The following CACNB2 variants were observed in gnomAD, a reference collection of about 807,000 sequenced individuals.
CACNB2 encodes calcium voltage-gated channel auxiliary subunit beta 2, also known as voltage-dependent L-type calcium channel subunit beta-2.
In CACNB2, 42 loss-of-function variants were observed where a neutral mutation model predicts 73.3. The ratio of observed to expected loss-of-function variants is 0.57; its 90% CI spans 0.45 to 0.74. The LOEUF is 0.74. Among genes scored for constraint, CACNB2 ranks in the 30% least tolerant of loss-of-function variants. The pLI is 0.00. For missense variants in CACNB2, 940 were observed against 853.0 expected, an observed-to-expected ratio of 1.10 and a Z score of -1.27; for synonymous variants, 348 against 310.3, an observed-to-expected ratio of 1.12 and a Z score of -1.28.
chr10:18,255,854 A>G (rs1025484970), intron 2 of CACNB2, among the ~76,000 whole-genome samples: 4 of 152,096 alleles, frequency 2.6e-5, no homozygotes, highest in Admixed American at 2.0e-4. Flanking sequence ...CTGACAAAAA[A>G]CCTTCAGTTC....
At chr10:18,403,851 T>G (rs529505140) in intron 3 of CACNB2, among the ~76,000 whole-genome samples, 2 of 149,828 alleles carry the variant, frequency 1.3e-5, no homozygotes, top group African/African-American at 4.9e-5. Context: ...ATGGGTGAGA[T>G]GGGAATGGTT....
At chr10:18,258,586 G>C (rs1242361530) in intron 2 of CACNB2, among the ~76,000 whole-genome samples, 1 of 151,974 alleles carries the variant, frequency 6.6e-6, no homozygotes, top group Non-Finnish European at 1.5e-5. Context: ...ATTTAGCCAG[G>C]CTGGTAGCGG....
intron 2 of CACNB2, among the ~76,000 whole-genome samples, chr10:18,398,082 G>C (rs533488220): frequency 1.3e-5 from 2 of 152,182 alleles, no homozygotes; most frequent in Non-Finnish European, 2.9e-5. Context: ...ACGACCGCCA[G>C]CTGTTCCTGA....
intron 2 of CACNB2, among the ~76,000 whole-genome samples, chr10:18,313,088 A>G (rs967706759): frequency 6.6e-6 from 1 of 152,160 alleles, no homozygotes; most frequent in African/African-American, 2.4e-5. Flanking sequence ...ATCATTTTTT[A>G]TAGTTGCATT....
At chr10:18,252,273 A>G (rs545042174) in intron 2 of CACNB2, among the ~76,000 whole-genome samples, 1 of 152,334 alleles carries the variant, frequency 6.6e-6, no homozygotes, top group East Asian at 1.9e-4. Flanking sequence ...GCTGTTCATA[A>G]GTTTACACAA....
chr10:18,278,988 G>C (rs1303038173), intron 2 of CACNB2, among the ~76,000 whole-genome samples: 1 of 152,106 alleles, frequency 6.6e-6, no homozygotes, highest in Non-Finnish European at 1.5e-5. Flanking sequence ...CTGCACTCCA[G>C]CTTGGACAAC....
intron 2 of CACNB2, among the ~76,000 whole-genome samples, chr10:18,233,325 C>T (rs995354818): frequency 7.9e-5 from 12 of 152,076 alleles, no homozygotes; most frequent in African/African-American, 2.9e-4. Flanking sequence ...TCTCCTCTCT[C>T]CAGCCACGAG....
Position 18,300,907 on chromosome 10 carries a change from A to G in CACNB2, c.214-101017A>G, listed in dbSNP as rs917431550. Among the ~76,000 whole-genome samples the G allele has an allele frequency of 6.6e-5, 10 of 152,342 alleles. No individual in the cohort carries two copies. The South Asian group carries it at 2.1e-3, about 32-fold the overall frequency. On this transcript the variant is annotated intron_variant, in intron 2 of 13. Transcript: ENST00000324631. ...AACAATGATGCATTGACTTCTGGGAAAAAAAGTAACAGAATATTCAGAGTA... is the reference window on the plus strand; with the variant it reads ...AACAATGATGCATTGACTTCTGGGAGAAAAAGTAACAGAATATTCAGAGTA...
intron 4 of CACNB2, among the ~76,000 whole-genome samples, chr10:18,500,365 A>G (rs774317683): frequency 6.6e-6 from 1 of 152,228 alleles, no homozygotes; most frequent in Admixed American, 6.5e-5. Flanking sequence ...TGTTTGCACA[A>G]AGGTAAATTG....
At chr10:18,537,392 A>T (rs566346307) in intron 12 of CACNB2, among the ~76,000 whole-genome samples, 1 of 152,204 alleles carries the variant, frequency 6.6e-6, no homozygotes. Context: ...GAAAAGTGGC[A>T]TTATTTTCTT....
At chr10:18,329,996 C>G (rs545719993) in intron 2 of CACNB2, among the ~76,000 whole-genome samples, 16 of 151,988 alleles carry the variant, frequency 1.1e-4, no homozygotes, top group Admixed American at 7.9e-4. Context: ...ACGCACCACC[C>G]TGCCCGGCTA....
chr10:18,410,827 A>G (rs183033527), intron 3 of CACNB2, among the ~76,000 whole-genome samples: 3,934 of 152,186 alleles, frequency 0.026, 134 homozygotes, highest in Admixed American at 0.096. Flanking sequence ...TAAAAATACA[A>G]AAATTAGCTA....
At chr10:18,452,020 A>C (rs916187749) in intron 3 of CACNB2, among the ~76,000 whole-genome samples, 1 of 152,232 alleles carries the variant, frequency 6.6e-6, no homozygotes, top group African/African-American at 2.4e-5. Flanking sequence ...TTGCACACTC[A>C]TATACCTGTC....
intron 3 of CACNB2, among the ~76,000 whole-genome samples, chr10:18,466,783 T>A (rs963341003): frequency 3.3e-5 from 5 of 152,106 alleles, no homozygotes; most frequent in African/African-American, 1.2e-4. Flanking sequence ...GTTAATAAAC[T>A]GGGCCCCGGA....
intron 2 of CACNB2, among the ~76,000 whole-genome samples, chr10:18,273,093 G>T (rs780110576): frequency 6.6e-6 from 1 of 152,322 alleles, no homozygotes; most frequent in African/African-American, 2.4e-5. Context: ...AAAGCTGAAG[G>T]TTGGATCAGG....
chr10:18,381,695 A>G (rs1443427083), intron 2 of CACNB2, among the ~76,000 whole-genome samples: 1 of 151,932 alleles, frequency 6.6e-6, no homozygotes. Flanking sequence ...TCTCAAAAAA[A>G]AAAAAAAAAA....
intron 3 of CACNB2, among the ~76,000 whole-genome samples, chr10:18,491,405 G>A (rs887004539): frequency 1.3e-5 from 2 of 152,162 alleles, no homozygotes; most frequent in Non-Finnish European, 2.9e-5. Flanking sequence ...GCATCAAAGC[G>A]AGACCTCATC....
At chr10:18,361,612 C>CTTTTTTT (rs56220879) in intron 2 of CACNB2, among the ~76,000 whole-genome samples, 1 of 125,476 alleles carries the variant, frequency 8.0e-6, no homozygotes, top group African/African-American at 2.9e-5. Context: ...AGGTAAAATT[C>CTTTTTTT]TTTTTTTTTT....
intron 2 of CACNB2, among the ~76,000 whole-genome samples, chr10:18,166,487 A>G (rs2131123183): frequency 6.6e-6 from 1 of 152,244 alleles, no homozygotes; most frequent in South Asian, 2.1e-4. Context: ...CAGCCTCCCA[A>G]AGTGCTGGGA....
Sources: allele counts gnomAD v4.1 joint callset (sites outside exome capture counted in the v4.1 genomes callset), GRCh38; gene constraint gnomAD v4.1.1; transcripts MANE v1.5; gene names NCBI Gene and HGNC (gene_info 2026-07-23, HGNC 2026-07-21).